Variants in FBXW10B observed in about 807,000 individuals in gnomAD.
FBXW10B encodes F-box and WD repeat domain containing protein 10B.
chr17:15,596,656 T>A, the FBXW10B span: 1 of 1,613,290 alleles, frequency 6.2e-7, no homozygotes, highest in Non-Finnish European at 8.5e-7. Context: ...TGTGTCTACA[T>A]CCCATACTGA....
chr17:15,612,873 T>C, the FBXW10B span: 1 of 1,598,456 alleles, frequency 6.3e-7, no homozygotes, highest in Non-Finnish European at 8.5e-7. Context: ...TGGCTTCTCT[T>C]GGCTCCAACT....
At chr17:15,617,042 G>GAC in the FBXW10B span, among the ~76,000 whole-genome samples, 1 of 152,102 alleles carries the variant, frequency 6.6e-6, no homozygotes, top group South Asian at 2.1e-4. Context: ...CGTGGTGGGT[G>GAC]ACCTAAGCAA....
chr17:15,577,836 T>G, the FBXW10B span, among the ~76,000 whole-genome samples: 1 of 151,910 alleles, frequency 6.6e-6, no homozygotes, highest in East Asian at 1.9e-4. Flanking sequence ...AGATGAATAG[T>G]GCAAAGTCAC....
chr17:15,598,834 T>C, the FBXW10B span: 1 of 1,213,356 alleles, frequency 8.2e-7, no homozygotes, highest in African/African-American at 1.5e-5. Context: ...TTTGAGGAAG[T>C]TAATTTCTGT....
At chr17:15,576,356 T>C in the FBXW10B span, among the ~76,000 whole-genome samples, 1 of 152,362 alleles carries the variant, frequency 6.6e-6, no homozygotes, top group East Asian at 1.9e-4. Context: ...GTTTTTATAA[T>C]GCTCAAAGTT....
At chr17:15,570,155 G>T in the FBXW10B span, among the ~76,000 whole-genome samples, 177 of 152,298 alleles carry the variant, frequency 1.2e-3, 1 homozygote, top group Non-Finnish European at 2.1e-3. Flanking sequence ...ATAAGAGAAA[G>T]AAATGACCTC....
chr17:15,577,363 G>A, the FBXW10B span, among the ~76,000 whole-genome samples: 25,210 of 152,004 alleles, frequency 0.17, 2,553 homozygotes, highest in Non-Finnish European at 0.23. Context: ...CAAGAGGAAC[G>A]CTGCTGGGAT....
At chr17:15,611,385 T>C in the FBXW10B span, among the ~76,000 whole-genome samples, 2 of 152,210 alleles carry the variant, frequency 1.3e-5, no homozygotes, top group Non-Finnish European at 2.9e-5. Context: ...TGCCAGCATT[T>C]AATAAAAGCA....
chr17:15,576,501 G>A, the FBXW10B span, among the ~76,000 whole-genome samples: 541 of 152,358 alleles, frequency 3.6e-3, 7 homozygotes, highest in Admixed American at 0.015. Context: ...AGACAAAGAA[G>A]AAGGACAGAG....
chr17:15,618,905 C>G, the FBXW10B span: 1 of 1,541,864 alleles, frequency 6.5e-7, no homozygotes, highest in Non-Finnish European at 8.7e-7. Context: ...TGTGCAATCT[C>G]TGTCTACCTA....
At chr17:15,594,457 C>T in the FBXW10B span, 201 of 322,064 alleles carry the variant, frequency 6.2e-4, 2 homozygotes, top group South Asian at 5.4e-3. Context: ...GGCAACAGAG[C>T]GAGACTCTGT....
At chr17:15,575,354 C>A in the FBXW10B span, among the ~76,000 whole-genome samples, 1 of 140,994 alleles carries the variant, frequency 7.1e-6, no homozygotes, top group East Asian at 2.1e-4. Flanking sequence ...CTCTGCCAGC[C>A]CTGTCGCCTC....
At chr17:15,565,741 T>A in the FBXW10B span, 1 of 1,614,074 alleles carries the variant, frequency 6.2e-7, no homozygotes, top group African/African-American at 1.3e-5. Context: ...CAGCACGAAC[T>A]CAGCGTTCAC....
the FBXW10B span, chr17:15,612,947 A>G: frequency 2.5e-5 from 33 of 1,312,548 alleles, 1 homozygote; most frequent in Non-Finnish European, 2.8e-5. Flanking sequence ...CCCTGGCTGC[A>G]GCAGGCAGGC....
the FBXW10B span, chr17:15,565,623 C>G: frequency 6.2e-7 from 1 of 1,614,168 alleles, no homozygotes; most frequent in South Asian, 1.1e-5. Flanking sequence ...TCTTCCTGAT[C>G]CATGCAGCTT....
the FBXW10B span, among the ~76,000 whole-genome samples, chr17:15,600,899 AC>A: frequency 6.7e-6 from 1 of 149,370 alleles, no homozygotes; most frequent in South Asian, 2.2e-4. Context: ...ATACAAAAAA[AC>A]ATTAGCCAGG....
the FBXW10B span, among the ~76,000 whole-genome samples, chr17:15,567,128 C>T: frequency 2.0e-5 from 3 of 151,550 alleles, no homozygotes; most frequent in East Asian, 2.0e-4. Context: ...AAAAATTAGC[C>T]GGGCGTGGTG....
chr17:15,591,819 C>T, the FBXW10B span, among the ~76,000 whole-genome samples: 12 of 152,132 alleles, frequency 7.9e-5, no homozygotes, highest in Admixed American at 7.9e-4. Flanking sequence ...TCCACACAGA[C>T]ACCACACACT....
chr17:15,616,166 T>C, the FBXW10B span, among the ~76,000 whole-genome samples: 1 of 151,884 alleles, frequency 6.6e-6, no homozygotes, highest in Non-Finnish European at 1.5e-5. Flanking sequence ...TTTAACTTTT[T>C]TTTGGTTTGT....
Sources: allele counts gnomAD v4.1 joint callset (sites outside exome capture counted in the v4.1 genomes callset), GRCh38; gene constraint gnomAD v4.1.1; transcripts MANE v1.5; gene names NCBI Gene and HGNC (gene_info 2026-07-23, HGNC 2026-07-21).